IGSF9B: variants seen among roughly 807,000 people sequenced by gnomAD.
IGSF9B encodes the protein immunoglobulin superfamily member 9B.
IGSF9B carries 48 observed loss-of-function variants against 143.7 expected under a neutral mutation model. The observed-to-expected ratio is 0.33, with a 90% CI of 0.26 to 0.42. The LOEUF is 0.42. Ranked by LOEUF, IGSF9B falls within the 20% of genes least tolerant of loss-of-function variation. The pLI is 1.00. For synonymous variants in IGSF9B, 903 were observed against 833.1 expected (o/e 1.08, Z -1.44); for missense variants, 1,706 against 1,980.0 (o/e 0.86, Z 2.63).
chr11:133,944,288 T>C lies in IGSF9B; in HGVS notation c.341A>G (p.Lys114Arg). The C allele has an allele frequency of 6.2e-7, 1 of 1,613,908 alleles. No homozygotes were observed. The highest frequency in any genetic ancestry group is 8.5e-7 in the Non-Finnish European group (1 of 1,179,836). ...RSEDQGWYEC[K>R]VLMLDQQYDT... Reference sequence around the variant, plus strand: ...ATACTGCTGGTCCAGCATGAGCACTTTGCACTCATACCAGCCCTGGTCCTC... The same window carrying C: ...ATACTGCTGGTCCAGCATGAGCACTCTGCACTCATACCAGCCCTGGTCCTC... Residue 114 changes from lysine to arginine, a missense_variant, in exon 3 of 20, where the codon AAA becomes AGA. This residue lies in a region of IGSF9B where 171 missense variants were observed against 213.9 expected (regional missense o/e 0.80). Transcript: ENST00000533871.
rs1940102691 is a variant in IGSF9B, at chr11:133,948,665, C to A, written c.65-2407G>T. ...TGTGTGTGTGTGTGTGTGTGTGTGT[C>A]TACAGCACACACCTGTGAGGAGATA... On this transcript the variant is annotated intron_variant, in intron 1 of 19. Transcript: ENST00000533871. The surrounding 1 kb of genome is among the most constrained non-coding windows in gnomAD (Gnocchi z 4.7). 5.2e-5 allele frequency among the ~76,000 whole-genome samples: 7 copies of A among 134,890 alleles called. No individual in the cohort carries two copies. The South Asian group carries it at 1.6e-3, about 31-fold the overall frequency. The allele number at this position is 134,890 out of a possible 152,430, so 88.5% of individuals were successfully genotyped here. A position where few individuals can be genotyped will look rare whatever the true frequency, so the allele number is the denominator to read the frequency against.
In IGSF9B at chr11:133,932,197, G is replaced by A; in HGVS notation, c.984C>T (p.Leu328=). ...YLTVQYPARV[L]NMPPVIYVPV... ...GCACGTAAATCACAGGGGGCATGTT[G>A]AGGACACGCGCTGGGTCTGCATAGA... Residue 328 remains leucine, a synonymous_variant, in exon 8 of 20, where the codon CTC becomes CTT. Transcript: ENST00000533871. 3.8e-6 allele frequency: 6 copies of A among 1,569,886 alleles called. No individual in the cohort carries two copies. The highest frequency in any genetic ancestry group is 5.2e-6 in the Non-Finnish European group (6 of 1,157,406).
At chr11:133,954,012 C>T (rs1219173336) in intron 1 of IGSF9B, among the ~76,000 whole-genome samples, 1 of 152,182 alleles carries the variant, frequency 6.6e-6, no homozygotes, top group Non-Finnish European at 1.5e-5. Flanking sequence ...AACATCATCC[C>T]TTTCCCCCTC....
In IGSF9B at chr11:133,931,498, G is replaced by C. The variant is rs368518534; in HGVS notation, c.1323C>G (p.Pro441=). ...RQEAGRELLI[P]CAAAGDPFPV... ...GAAAGGGGTCCCCTGCGGCAGCACA[G>C]GGGATAAGTAGCTCCCGGCCGGCCT... Residue 441 remains proline (P), a synonymous_variant, in exon 10 of 20, where the codon CCC becomes CCG. Transcript: ENST00000533871. This position sits in a 1 kb window ranked among gnomAD's most constrained non-coding sequence, Gnocchi z 7.7. 3.0e-4 allele frequency: 486 copies of C among 1,613,320 alleles called. 2 individuals carry two copies. In the African/African-American group the frequency reaches 6.0e-3, roughly 20 times the overall value.
Position 133,902,544 on chromosome 11 carries a change from A to C in IGSF9B, c.*6525T>G, listed in dbSNP as rs1425217735. Reference sequence around the variant, plus strand: ...CATGCACACCACACACATATACCACACACACCACATACACACACACACCCC... The same window carrying C: ...CATGCACACCACACACATATACCACCCACACCACATACACACACACACCCC... On this transcript the variant is annotated 3_prime_UTR_variant, in exon 20 of 20. Coordinates refer to ENST00000533871, the MANE Select transcript of IGSF9B (RefSeq NM_001277285.4). Among the ~76,000 whole-genome samples the C allele has an allele frequency of 7.1e-6, 1 of 140,850 alleles. No individual in the cohort carries two copies. Among genetic ancestry groups the C allele is most frequent in the African/African-American group, 2.6e-5 (1 of 38,176 alleles). 92.4% of individuals were successfully genotyped at this position (140,850 alleles called of 152,430 possible).
In IGSF9B at chr11:133,922,744, G is replaced by A. The variant is rs145807893; in HGVS notation, c.2120-14C>T. 1.7e-4 allele frequency: 266 copies of A among 1,550,582 alleles called. 1 individual carries two copies. The African/African-American group carries it at 3.1e-3, about 18-fold the overall frequency. On this transcript the variant is annotated splice_polypyrimidine_tract_variant and intron_variant, in intron 15 of 19. Transcript: ENST00000533871. ...GCGGGAAGATGTCTGCAGGGAGGGT[G>A]GGGAGCACTCATGAGCCCATCCTTC...
At chr11:133,911,107 C>A (rs917799768) in intron 19 of IGSF9B, among the ~76,000 whole-genome samples, 1 of 152,230 alleles carries the variant, frequency 6.6e-6, no homozygotes, top group African/African-American at 2.4e-5. Flanking sequence ...GTTATCAAAG[C>A]TCTGCAAAGC....
Position 133,937,382 on chromosome 11 carries a change from C to T in IGSF9B, c.673G>A (p.Val225Ile), listed in dbSNP as rs374705301. 28 of 1,609,444 alleles carry T rather than the reference C, an allele frequency of 1.7e-5. No homozygotes were observed. In the African/African-American group the frequency reaches 2.1e-4, roughly 12 times the overall value. The stretch of plus-strand genomic sequence containing the variant: ...CTGAGGAAATGGCTCCTACCTTGGA[C>T]AAGCAGGTGAGTCGTGTGGACAGCC... ...GEAVHTTHLL[V>I]QGPPFIVSPP... Residue 225 changes from valine to isoleucine, a missense_variant, in exon 5 of 20, where the codon GTC becomes ATC. Val to Ile is a conservative substitution (Grantham distance 29). This residue lies in a region of IGSF9B where 238 missense variants were observed against 452.6 expected (regional missense o/e 0.53). Coordinates refer to ENST00000533871, the MANE Select transcript of IGSF9B (RefSeq NM_001277285.4).
rs534913881 is a variant in IGSF9B at position 133,946,146 on chromosome 11, G to A, written c.177C>T (p.Val59=). 29 of 1,612,868 alleles carry A rather than the reference G, an allele frequency of 1.8e-5. No homozygotes were observed. Among genetic ancestry groups the A allele is most frequent in the Non-Finnish European group, 2.3e-5 (27 of 1,179,472 alleles). Residue 59 remains valine (V), a synonymous_variant, in exon 2 of 20, where the codon GTC becomes GTT. Transcript: ENST00000533871. Reference sequence around the variant, plus strand: ...GGACCCCGAACTTGAACCACTCTACGACATAGGGTGGGGGCTGTCCCGTCA... The same window carrying A: ...GGACCCCGAACTTGAACCACTCTACAACATAGGGTGGGGGCTGTCCCGTCA... ...HPVTGQPPPY[V]VEWFKFGVPI... is the part of the protein sequence containing the mutation.
At chr11:133,933,655 G>A (rs1939772853) in intron 7 of IGSF9B, among the ~76,000 whole-genome samples, 1 of 152,154 alleles carries the variant, frequency 6.6e-6, no homozygotes, top group African/African-American at 2.4e-5. Flanking sequence ...AGTTGAAGCG[G>A]GAGGATCACT....
chr11:133,911,641 C>G (rs964449589), intron 19 of IGSF9B, among the ~76,000 whole-genome samples: 1 of 152,090 alleles, frequency 6.6e-6, no homozygotes, highest in Non-Finnish European at 1.5e-5. Flanking sequence ...ATTGGAAGGG[C>G]AATCAGATAG....
At chr11:133,938,756 T>TG (rs1465247810) in intron 3 of IGSF9B, among the ~76,000 whole-genome samples, 2 of 152,110 alleles carry the variant, frequency 1.3e-5, no homozygotes, top group Non-Finnish European at 2.9e-5. Flanking sequence ...GGCACTAGGC[T>TG]GGCGCAGGTC....
At chr11:133,930,932 C>G in intron 11 of IGSF9B, 52 bp downstream of exon 11, 1 of 1,527,862 alleles carries the variant, frequency 6.5e-7, no homozygotes, top group African/African-American at 1.4e-5. Context: ...ACCCCGCCCC[C>G]AGCCAGCCTG....
At chr11:133,924,718 A>G in intron 15 of IGSF9B, 102 bp downstream of exon 15, 2 of 975,528 alleles carry the variant, frequency 2.1e-6, no homozygotes, top group Non-Finnish European at 3.2e-6. Flanking sequence ...TTAGTTTCCA[A>G]TCCAGCTTCT....
intron 18 of IGSF9B, among the ~76,000 whole-genome samples, chr11:133,914,230 AGACACT>A (rs1353529927): frequency 6.6e-6 from 1 of 152,154 alleles, no homozygotes; most frequent in Non-Finnish European, 1.5e-5. Context: ...TTTCAGATGG[AGACACT>A]GAAGTTTAGA....
intron 7 of IGSF9B, among the ~76,000 whole-genome samples, chr11:133,933,972 G>GT (rs1266786311): frequency 2.0e-5 from 3 of 148,876 alleles, no homozygotes; most frequent in Non-Finnish European, 4.5e-5. Flanking sequence ...TCCTACTTTT[G>GT]TATGGTAGAG....
intron 3 of IGSF9B, 76 bp downstream of exon 3, chr11:133,944,144 G>A (rs1940000534): frequency 1.4e-6 from 2 of 1,477,150 alleles, no homozygotes; most frequent in Non-Finnish European, 1.8e-6. Context: ...GCTTCCCCTG[G>A]GGCAGGCCCA....
At position 133,920,877 on chromosome 11, in the gene IGSF9B, T is replaced by C. The variant is rs767563740; in HGVS notation, c.2848A>G (p.Thr950Ala). Reference sequence around the variant, plus strand: ...GGGGCAGGGGGCCGGGCCTGGCCTGTGGCCTGAAGCCGACCTTCCAGGCCA... The same window carrying C: ...GGGGCAGGGGGCCGGGCCTGGCCTGCGGCCTGAAGCCGACCTTCCAGGCCA... ...PGGLEGRLQA[T>A]GQARPPAPRP... The change falls in exon 18 of 20, where the codon ACA (threonine) becomes GCA (alanine). Residue 950 changes from threonine to alanine, a missense_variant. Thr to Ala is a moderately conservative substitution (Grantham distance 58). Around this residue, in one of 7 missense-constraint regions of IGSF9B, gnomAD observed 880 missense variants for 762.9 expected, o/e 1.15. Transcript: ENST00000533871. 6.2e-7 allele frequency: 1 copy of C among 1,606,222 alleles called. No individual in the cohort carries two copies. Among genetic ancestry groups the C allele is most frequent in the Non-Finnish European group, 8.5e-7 (1 of 1,176,274 alleles).
In IGSF9B at chr11:133,904,567, C is replaced by G. The variant is rs946585830; in HGVS notation, c.*4502G>C. ...TGCCCAGATCCCCCTCCCACATGCC[C>G]TGCATGGCTACCACTCCCCAGCCAG... On this transcript the variant is annotated 3_prime_UTR_variant, in exon 20 of 20. Coordinates refer to ENST00000533871, the MANE Select transcript of IGSF9B (RefSeq NM_001277285.4). Among the ~76,000 whole-genome samples, 6 of 152,152 alleles carry G rather than the reference C, an allele frequency of 3.9e-5. No individual in the cohort carries two copies. The highest frequency in any genetic ancestry group is 1.2e-4 in the African/African-American group (5 of 41,436).
Sources: gnomAD v4.1 joint callset for allele counts (sites outside exome capture counted in the v4.1 genomes callset) on GRCh38, gnomAD v4.1.1 for gene constraint, gnomAD v4.1.1 regional missense constraint, Gnocchi (gnomAD v3.1) non-coding constraint, MANE v1.5 for transcripts, NCBI Gene and HGNC (gene_info 2026-07-23, HGNC 2026-07-21) for gene names.